Variants in NLGN1 observed in about 807,000 individuals in gnomAD.
NLGN1 encodes neuroligin-1.
A neutral mutation model predicts 65.5 loss-of-function variants in NLGN1; 12 were observed. The observed-to-expected ratio is 0.18, with a 90% CI of 0.12 to 0.30. The LOEUF (loss-of-function observed/expected upper bound fraction) is 0.30. NLGN1 is among the 10% of genes least tolerant of loss of function. NLGN1 has a pLI of 1.00. For missense variants in NLGN1, 750 were observed against 1,007.1 expected, an observed-to-expected ratio of 0.74 and a Z score of 3.46; for synonymous variants, 350 against 359.5, an observed-to-expected ratio of 0.97 and a Z score of 0.30.
intron 2 of NLGN1, among the ~76,000 whole-genome samples, chr3:173,505,390 A>G (rs1486258004): frequency 1.3e-5 from 2 of 152,126 alleles, no homozygotes; most frequent in Non-Finnish European, 2.9e-5. Flanking sequence ...ATAGATCTAC[A>G]TCATGCCAGT....
At chr3:174,213,376 A>G (rs1399909234) in intron 4 of NLGN1, among the ~76,000 whole-genome samples, 20 of 152,218 alleles carry the variant, frequency 1.3e-4, no homozygotes, top group Admixed American at 1.3e-3. Flanking sequence ...CACATGTCAA[A>G]TATTTCATTC....
At chr3:173,693,494 A>G (rs1285317562) in intron 3 of NLGN1, among the ~76,000 whole-genome samples, 2 of 152,128 alleles carry the variant, frequency 1.3e-5, no homozygotes, top group South Asian at 2.1e-4. Context: ...TAGAGTATTT[A>G]TAAATTAAAA....
chr3:173,968,566 C>T (rs772131233), intron 4 of NLGN1, among the ~76,000 whole-genome samples: 74 of 151,210 alleles, frequency 4.9e-4, no homozygotes, highest in Non-Finnish European at 2.5e-4. Flanking sequence ...AAAAAAAATA[C>T]TTTATAGCAA....
intron 4 of NLGN1, among the ~76,000 whole-genome samples, chr3:173,863,270 TA>T (rs1729504030): frequency 6.6e-6 from 1 of 152,220 alleles, no homozygotes; most frequent in Non-Finnish European, 1.5e-5. Flanking sequence ...TTATGACTTT[TA>T]TATTTTTCTC....
At chr3:173,605,775 T>C (rs541368839) in intron 3 of NLGN1, among the ~76,000 whole-genome samples, 182 bp downstream of exon 3, 15 of 152,192 alleles carry the variant, frequency 9.9e-5, no homozygotes, top group Non-Finnish European at 1.9e-4. Context: ...GTAGATTACA[T>C]TGGCAAAGCT....
rs148636315 is a variant in NLGN1 at position 173,732,538 on chromosome 3, T to C, written c.494-75142T>C. 3.9e-3 allele frequency among the ~76,000 whole-genome samples: 588 copies of C among 152,246 alleles called. 3 individuals are homozygous for C. Among genetic ancestry groups the C allele is most frequent in the Non-Finnish European group, 5.1e-3 (348 of 67,998 alleles). ...TTGCGGCTGGGTTCGGGGTGGGTAG[T>C]TGCAGTTTCATTCATGAGATAACCA... On this transcript the variant is annotated intron_variant, in intron 3 of 6. Transcript: ENST00000457714.
At position 174,198,332 on chromosome 3, in the gene NLGN1, T is replaced by G. The variant is rs546648129; in HGVS notation, c.647-76983T>G. On this transcript the variant is annotated intron_variant, in intron 4 of 6. Coordinates refer to ENST00000457714, the Ensembl canonical transcript of NLGN1. ...TCAAAGAGCTAGTGACTATAGAGTT[T>G]GGATTTGAGCCCAGATACTCTGGAT... Among the ~76,000 whole-genome samples, 12 of 152,348 alleles carry G rather than the reference T, an allele frequency of 7.9e-5. No homozygotes were observed. In the South Asian group the frequency reaches 2.3e-3, roughly 29 times the overall value.
intron 3 of NLGN1, among the ~76,000 whole-genome samples, chr3:173,640,902 A>G (rs1393555442): frequency 6.6e-6 from 1 of 152,212 alleles, no homozygotes; most frequent in Admixed American, 6.5e-5. Context: ...TTAGAAAGCA[A>G]ATCATATCAG....
chr3:173,519,675 G>C (rs1456213601), intron 2 of NLGN1, among the ~76,000 whole-genome samples: 1 of 151,606 alleles, frequency 6.6e-6, no homozygotes, highest in Non-Finnish European at 1.5e-5. Context: ...TTTACTGAAT[G>C]CCTATATCCC....
chr3:174,270,171 G>T (rs1749113712), intron 4 of NLGN1, among the ~76,000 whole-genome samples: 3 of 105,818 alleles, frequency 2.8e-5, no homozygotes, highest in East Asian at 2.9e-4. Flanking sequence ...GTTTGATGTA[G>T]TCTTATTTGT....
intron 3 of NLGN1, among the ~76,000 whole-genome samples, chr3:173,789,072 A>C (rs1287217981): frequency 6.6e-6 from 1 of 151,616 alleles, no homozygotes; most frequent in Admixed American, 6.6e-5. Flanking sequence ...GGTGGTGTGC[A>C]CCTGTAGTCC....
chr3:174,184,819 G>A (rs1731097776), intron 4 of NLGN1, among the ~76,000 whole-genome samples: 1 of 152,110 alleles, frequency 6.6e-6, no homozygotes, highest in African/African-American at 2.4e-5. Context: ...AGGATTCAGA[G>A]TAGAAAAGTT....
chr3:174,026,648 A>G (rs1433145868), intron 4 of NLGN1, among the ~76,000 whole-genome samples: 1 of 152,176 alleles, frequency 6.6e-6, no homozygotes, highest in Non-Finnish European at 1.5e-5. Flanking sequence ...GAAGTTGGAT[A>G]AAACAGGTGT....
chr3:173,996,160 A>T (rs1365829673), intron 4 of NLGN1, among the ~76,000 whole-genome samples: 1 of 152,156 alleles, frequency 6.6e-6, no homozygotes, highest in Non-Finnish European at 1.5e-5. Context: ...CCAGATAGAA[A>T]ACTCCTAATT....
intron 2 of NLGN1, among the ~76,000 whole-genome samples, chr3:173,499,534 G>A (rs1437846712): frequency 6.6e-6 from 1 of 151,828 alleles, no homozygotes; most frequent in Non-Finnish European, 1.5e-5. Context: ...ACTTGGCAAT[G>A]CAGGCTCTTT....
intron 1 of NLGN1, among the ~76,000 whole-genome samples, chr3:173,417,262 A>G (rs1160795664): frequency 1.3e-5 from 2 of 151,976 alleles, no homozygotes; most frequent in East Asian, 3.9e-4. Flanking sequence ...GTAGAAGTAG[A>G]AATGAATTAA....
chr3:173,553,812 G>A (rs1741275431), intron 2 of NLGN1, among the ~76,000 whole-genome samples: 1 of 152,160 alleles, frequency 6.6e-6, no homozygotes, highest in Non-Finnish European at 1.5e-5. Flanking sequence ...TAACAGAAGG[G>A]CTCTTAGCTA....
chr3:173,926,399 G>C (rs1743013444), intron 4 of NLGN1, among the ~76,000 whole-genome samples: 1 of 152,034 alleles, frequency 6.6e-6, no homozygotes, highest in African/African-American at 2.4e-5. Flanking sequence ...AACCACAAAA[G>C]TCAAGTATAA....
rs1282093402 is a variant in NLGN1, at chr3:173,997,901, A to G, written c.646+190069A>G. ...GAACCAATACATCAGATTCAGGGCT[A>G]GAATTGTGATCTTCAGTTTGTTTAA... On this transcript the variant is annotated intron_variant, in intron 4 of 6. Transcript: ENST00000457714. 2.0e-5 allele frequency among the ~76,000 whole-genome samples: 3 copies of G among 152,236 alleles called. No individual in the cohort carries two copies. The East Asian group carries it at 5.8e-4, about 29-fold the overall frequency.
Sources: allele counts gnomAD v4.1 joint callset (sites outside exome capture counted in the v4.1 genomes callset), GRCh38; gene constraint gnomAD v4.1.1; transcripts MANE v1.5; gene names NCBI Gene and HGNC (gene_info 2026-07-23, HGNC 2026-07-21).